ANXA7: variants seen among roughly 807,000 people sequenced by gnomAD.
ANXA7 encodes the protein annexin VII.
Under a neutral mutation model 64.9 loss-of-function variants are expected in ANXA7, and 55 were observed. That is an observed-to-expected ratio of 0.85 (90% confidence interval 0.68 to 1.06). The LOEUF (loss-of-function observed/expected upper bound fraction) is 1.06, where lower values mean the gene tolerates loss of function less well. ANXA7 is among the 50% of genes least tolerant of loss of function. ANXA7 has a pLI of 0.00. For synonymous variants in ANXA7, 200 were observed against 192.4 expected (o/e 1.04, Z -0.33); for missense variants, 548 against 582.1 (o/e 0.94, Z 0.60).
chr10:73,404,829 C>G (rs183417736), intron 1 of ANXA7, among the ~76,000 whole-genome samples: 2 of 152,106 alleles, frequency 1.3e-5, no homozygotes, highest in Admixed American at 1.3e-4. Context: ...CTGATCAAAT[C>G]TAAAACACGG....
intron 5 of ANXA7, among the ~76,000 whole-genome samples, chr10:73,392,836 T>C (rs2055508058): frequency 6.6e-6 from 1 of 152,162 alleles, no homozygotes; most frequent in South Asian, 2.1e-4. Flanking sequence ...AACATAGTGT[T>C]GGAAGTTCTG....
chr10:73,378,196 G>A (rs921825944), intron 12 of ANXA7, among the ~76,000 whole-genome samples: 6 of 151,714 alleles, frequency 4.0e-5, no homozygotes, highest in African/African-American at 1.2e-4. Context: ...CCAACATGGT[G>A]AAACCCCATC....
At chr10:73,403,846 A>G (rs1373191220) in intron 1 of ANXA7, among the ~76,000 whole-genome samples, 6 of 152,226 alleles carry the variant, frequency 3.9e-5, no homozygotes, top group Admixed American at 3.9e-4. Context: ...TTCTCAAAGG[A>G]AGTTACTTAG....
chr10:73,413,381 G>A (rs1217905165), intron 1 of ANXA7, among the ~76,000 whole-genome samples: 2 of 152,170 alleles, frequency 1.3e-5, no homozygotes, highest in Non-Finnish European at 2.9e-5. Flanking sequence ...TCACTTTACG[G>A]TGGACATCAG....
intron 7 of ANXA7, among the ~76,000 whole-genome samples, chr10:73,386,261 A>G (rs1207896936): frequency 6.6e-6 from 1 of 151,452 alleles, no homozygotes; most frequent in Non-Finnish European, 1.5e-5. Flanking sequence ...ATGTTTTCCC[A>G]TTACATCTGA....
chr10:73,391,974 AAG>A (rs879771829), intron 5 of ANXA7, among the ~76,000 whole-genome samples: 13 of 152,164 alleles, frequency 8.5e-5, no homozygotes, highest in Admixed American at 2.0e-4. Context: ...AAAAAGGAAA[AAG>A]AGAAGAATTA....
At chr10:73,407,599 A>C (rs1333612553) in intron 1 of ANXA7, among the ~76,000 whole-genome samples, 2 of 152,242 alleles carry the variant, frequency 1.3e-5, no homozygotes, top group South Asian at 2.1e-4. Context: ...ACTTTTCATC[A>C]ATACAGCTGT....
chr10:73,380,139 G>A lies in ANXA7; in HGVS notation c.981C>T (p.Leu327=), dbSNP rs1324688663. The change falls in exon 10 of 13, where the codon CTC becomes CTT. Residue 327 remains leucine (L), a synonymous_variant. Transcript: ENST00000372921. ...HQMAQEDAQR[L]YQAGEGRLGT... ...CTAGTCTCCCCTCACCAGCTTGATA[G>A]AGACGCTGAGCATCTTCCTGAGCCA... The A allele has an allele frequency of 1.9e-6, 3 of 1,614,130 alleles. No homozygotes were observed. The East Asian group carries it at 6.7e-5, about 36-fold the overall frequency.
intron 5 of ANXA7, among the ~76,000 whole-genome samples, chr10:73,391,392 C>T (rs543315199): frequency 1.3e-5 from 2 of 152,206 alleles, no homozygotes; most frequent in Admixed American, 6.5e-5. Flanking sequence ...AGGAGGATCG[C>T]TTGAGCCCAG....
chr10:73,393,958 C>T (rs2055528479), intron 5 of ANXA7, among the ~76,000 whole-genome samples: 1 of 152,138 alleles, frequency 6.6e-6, no homozygotes, highest in South Asian at 2.1e-4. Context: ...GCAATCTACC[C>T]ATCTGACAAA....
chr10:73,389,919 G>A (rs79138489), intron 5 of ANXA7, among the ~76,000 whole-genome samples: 6,333 of 152,226 alleles, frequency 0.042, 403 homozygotes, highest in African/African-American at 0.14. Context: ...GGCCAGCCCA[G>A]AATAATTCAA....
chr10:73,391,845 C>T (rs1309056737), intron 5 of ANXA7, among the ~76,000 whole-genome samples: 2 of 152,158 alleles, frequency 1.3e-5, no homozygotes, highest in East Asian at 3.8e-4. Flanking sequence ...TATTTCACTT[C>T]CATCTAAAAG....
intron 5 of ANXA7, chr10:73,396,231 G>T: frequency 1.5e-6 from 1 of 679,900 alleles, no homozygotes; most frequent in Non-Finnish European, 2.6e-6. Context: ...GCTGGTAAGG[G>T]CAAGGAAGAG....
chr10:73,391,391 G>A (rs1469460657), intron 5 of ANXA7, among the ~76,000 whole-genome samples: 4 of 151,986 alleles, frequency 2.6e-5, no homozygotes, highest in East Asian at 1.9e-4. Context: ...CAGGAGGATC[G>A]CTTGAGCCCA....
chr10:73,397,550 C>A (rs1417986055), intron 3 of ANXA7, among the ~76,000 whole-genome samples: 1 of 152,120 alleles, frequency 6.6e-6, no homozygotes, highest in African/African-American at 2.4e-5. Context: ...CTCTACCTAC[C>A]ACGTTCAAGT....
chr10:73,401,737 G>C (rs1234036278), intron 1 of ANXA7, among the ~76,000 whole-genome samples: 2 of 152,010 alleles, frequency 1.3e-5, no homozygotes, highest in African/African-American at 4.8e-5. Context: ...CCTAACCTCA[G>C]GTGAACCACC....
At chr10:73,406,888 C>T (rs1359405963) in intron 1 of ANXA7, among the ~76,000 whole-genome samples, 1 of 151,808 alleles carries the variant, frequency 6.6e-6, no homozygotes, top group African/African-American at 2.4e-5. Flanking sequence ...ATCTATTTAA[C>T]TCATTTCTTA....
intron 5 of ANXA7, among the ~76,000 whole-genome samples, chr10:73,388,734 G>T (rs761072262): frequency 5.3e-5 from 8 of 152,146 alleles, no homozygotes; most frequent in Non-Finnish European, 8.8e-5. Flanking sequence ...AAAGAAGACT[G>T]ATCCCTGAAT....
At chr10:73,412,429 A>G (rs1022044481) in intron 1 of ANXA7, among the ~76,000 whole-genome samples, 2 of 152,206 alleles carry the variant, frequency 1.3e-5, no homozygotes, top group Non-Finnish European at 2.9e-5. Context: ...AAAAAGCTAA[A>G]TAACACCCAG....
Sources: allele counts gnomAD v4.1 joint callset (sites outside exome capture counted in the v4.1 genomes callset), GRCh38; gene constraint gnomAD v4.1.1; transcripts MANE v1.5; gene names NCBI Gene and HGNC (gene_info 2026-07-23, HGNC 2026-07-21).